Variants in TGM3 observed in about 807,000 individuals in gnomAD.
TGM3 encodes the protein protein-glutamine gamma-glutamyltransferase E.
In TGM3, 52 loss-of-function variants were observed where a neutral mutation model predicts 73.8. That is an observed-to-expected ratio of 0.70 (90% CI 0.56 to 0.89). The LOEUF (loss-of-function observed/expected upper bound fraction) is 0.89, where lower values mean the gene tolerates loss of function less well. Ranked by LOEUF, TGM3 falls within the 40% of genes least tolerant of loss-of-function variation. The probability of loss-of-function intolerance (pLI) is 0.00; values close to 1 mark genes in which losing one functional copy is unlikely to be tolerated. For synonymous variants in TGM3, 372 were observed against 354.9 expected (o/e 1.05, Z -0.54); for missense variants, 928 against 909.9 (o/e 1.02, Z -0.26).
chr20:2,320,726 G>A (rs1248322738), intron 7 of TGM3, among the ~76,000 whole-genome samples: 2 of 152,078 alleles, frequency 1.3e-5, no homozygotes, highest in African/African-American at 4.8e-5. Flanking sequence ...GCTTAGTTTG[G>A]GATGCTTCTT....
At chr20:2,309,562 C>T (rs892496437) in intron 1 of TGM3, 95 bp from the exon 2 acceptor site, 55 of 1,336,612 alleles carry the variant, frequency 4.1e-5, no homozygotes, top group Non-Finnish European at 5.6e-5. Flanking sequence ...CTTGACAAGC[C>T]TCACCCCAAA....
rs549327460 is a variant in TGM3 at position 2,323,541 on chromosome 20, G to A, written c.984-2308G>A. Among the ~76,000 whole-genome samples the A allele has an allele frequency of 4.6e-5, 7 of 152,322 alleles. No homozygotes were observed. The East Asian group carries it at 5.8e-4, about 13-fold the overall frequency. ...TAGATATACATGTATGTGCACTTAC[G>A]TGAGTTTTTCCATGGGAGAAATTCC... On this transcript the variant is annotated intron_variant, in intron 7 of 12. Coordinates refer to ENST00000381458, the MANE Select transcript of TGM3 (RefSeq NM_003245.4).
intron 1 of TGM3, among the ~76,000 whole-genome samples, chr20:2,303,927 A>T (rs1188513246): frequency 6.6e-6 from 1 of 152,210 alleles, no homozygotes; most frequent in Non-Finnish European, 1.5e-5. Flanking sequence ...ATGTGCTCAC[A>T]TCTGGAATAA....
In TGM3 at chr20:2,309,760, C is replaced by T. The variant is rs751779616; in HGVS notation, c.111C>T (p.Asn37=). ...SQELILRRGQ[N]FQVLMIMNKG... ...AGCTCATCTTGCGGAGAGGCCAAAA[C>T]TTCCAGGTCTTAATGATCATGAACA... The change falls in exon 2 of 13, where the codon AAC becomes AAT. Residue 37 remains asparagine, a synonymous_variant. Coordinates refer to ENST00000381458, the MANE Select transcript of TGM3 (RefSeq NM_003245.4). The T allele has an allele frequency of 6.2e-7, 1 of 1,614,232 alleles. No individual in the cohort carries two copies. The highest frequency in any genetic ancestry group is 2.2e-5 in the East Asian group (1 of 44,880).
At chr20:2,327,419 A>G (rs1022546043) in intron 8 of TGM3, among the ~76,000 whole-genome samples, 4 of 152,104 alleles carry the variant, frequency 2.6e-5, no homozygotes, top group Admixed American at 2.0e-4. Context: ...GGAGCTTGCA[A>G]TGAGTCGAGA....
chr20:2,299,868 C>A (rs1327780503), intron 1 of TGM3, among the ~76,000 whole-genome samples: 3 of 152,112 alleles, frequency 2.0e-5, no homozygotes, highest in African/African-American at 7.2e-5. Context: ...GAGGTCAAGG[C>A]GGGTAGATTA....
chr20:2,340,440 G>A lies in TGM3; in HGVS notation c.1941G>A (p.Pro647=), dbSNP rs200154885. The A allele has an allele frequency of 6.3e-5, 102 of 1,613,942 alleles. No homozygotes were observed. The Middle Eastern group carries it at 1.2e-3, about 18-fold the overall frequency. ...TCTGTGCCCTCCCCATCAGCGTGCCGACCCTAGGGCCCAAGGAGGGGTCCC... is the reference window on the plus strand; with the variant it reads ...TCTGTGCCCTCCCCATCAGCGTGCCAACCCTAGGGCCCAAGGAGGGGTCCC... ...LLLGNLKIDV[P]TLGPKEGSRV... The change falls in exon 13 of 13, where the codon CCG becomes CCA. Residue 647 remains proline, a synonymous_variant. Transcript: ENST00000381458.
At chr20:2,296,261 T>C (rs2084106341) in intron 1 of TGM3, among the ~76,000 whole-genome samples, 191 bp downstream of exon 1, 1 of 152,206 alleles carries the variant, frequency 6.6e-6, no homozygotes, top group Non-Finnish European at 1.5e-5. Context: ...TCTAGCATAT[T>C]CTTGGGGTAG....
chr20:2,335,248 T>C lies in TGM3; in HGVS notation c.1775T>C (p.Leu592Pro), dbSNP rs778493017. The C allele has an allele frequency of 6.2e-7, 1 of 1,614,170 alleles. No individual in the cohort carries two copies. The highest frequency in any genetic ancestry group is 8.5e-7 in the Non-Finnish European group (1 of 1,180,016). ...GTGGTGGTGGAGCGGGACATCATCCTGGACAACCCCACCTTGACCCTGGAG... is the reference window on the plus strand; with the variant it reads ...GTGGTGGTGGAGCGGGACATCATCCCGGACAACCCCACCTTGACCCTGGAG... ...SEVVVERDII[L>P]DNPTLTLEVL... is the part of the protein sequence containing the mutation. The change falls in exon 11 of 13, where the codon CTG becomes CCG. Residue 592 changes from leucine (L) to proline (P), a missense_variant. Coordinates refer to ENST00000381458, the MANE Select transcript of TGM3 (RefSeq NM_003245.4).
At chr20:2,306,571 G>A (rs1372087695) in intron 1 of TGM3, among the ~76,000 whole-genome samples, 1 of 149,478 alleles carries the variant, frequency 6.7e-6, no homozygotes, top group East Asian at 2.0e-4. Flanking sequence ...CTGCTTCTCA[G>A]GTTCAAGTGA....
intron 12 of TGM3, 44 bp downstream of exon 12, chr20:2,340,031 G>T: frequency 1.3e-6 from 2 of 1,511,588 alleles, no homozygotes; most frequent in Non-Finnish European, 1.8e-6. Flanking sequence ...GGCGGGAGGG[G>T]GCGGGGGGGC....
chr20:2,296,095 C>A, intron 1 of TGM3, 25 bp downstream of exon 1: 1 of 1,550,124 alleles, frequency 6.5e-7, no homozygotes. Flanking sequence ...TCTTCTCCAT[C>A]AGGTCCTTGC....
chr20:2,313,875 A>G (rs2084220064), intron 5 of TGM3, among the ~76,000 whole-genome samples: 1 of 152,112 alleles, frequency 6.6e-6, no homozygotes, highest in Admixed American at 6.5e-5. Context: ...CAGAAATTAA[A>G]AAAAAACTAG....
In TGM3 at chr20:2,328,277, C is replaced by G; in HGVS notation, c.1245C>G (p.Asn415Lys). Residue 415 changes from asparagine to lysine, a missense_variant, in exon 9 of 13, where the codon AAC becomes AAG. Asn to Lys is a moderately conservative substitution (Grantham distance 94). Coordinates refer to ENST00000381458, the MANE Select transcript of TGM3 (RefSeq NM_003245.4). The surrounding 1 kb of genome is among the most constrained non-coding windows in gnomAD (Gnocchi z 5.2). ...TTGKQWKNSV[N>K]SHTIGRYIST... ...GCAAACAGTGGAAGAATTCCGTGAA[C>G]AGTCACACCATTGGCAGGTACATCA... The G allele has an allele frequency of 6.2e-7, 1 of 1,614,208 alleles. No homozygotes were observed. Among genetic ancestry groups the G allele is most frequent in the Non-Finnish European group, 8.5e-7 (1 of 1,180,050 alleles).
chr20:2,340,518 C>T lies in TGM3; in HGVS notation c.2019C>T (p.Ala673=), dbSNP rs374870190. The part of the protein sequence containing the change: ...PSRSGTKQLL[A]DFSCNKFPAI... Reference sequence around the variant, plus strand: ...GGAGTGGCACCAAGCAACTGCTCGCCGACTTCTCCTGCAACAAGTTCCCTG... The same window carrying T: ...GGAGTGGCACCAAGCAACTGCTCGCTGACTTCTCCTGCAACAAGTTCCCTG... The change falls in exon 13 of 13, where the codon GCC becomes GCT. Residue 673 remains alanine, a synonymous_variant. Transcript: ENST00000381458. 2.2e-5 allele frequency: 36 copies of T among 1,614,072 alleles called. No individual in the cohort carries two copies. The highest frequency in any genetic ancestry group is 4.4e-5 in the South Asian group (4 of 91,090).
chr20:2,296,157 A>G, intron 1 of TGM3, 87 bp downstream of exon 1: 1 of 1,491,854 alleles, frequency 6.7e-7, no homozygotes, highest in Non-Finnish European at 9.1e-7. Context: ...GTGTCCGGCC[A>G]GGACAGCTGC....
intron 7 of TGM3, 76 bp from the exon 8 acceptor site, chr20:2,325,773 G>A (rs1327256694): frequency 1.2e-5 from 13 of 1,044,154 alleles, no homozygotes; most frequent in Non-Finnish European, 1.9e-5. Context: ...CACTGTTGGG[G>A]CAAAGATGTG....
intron 7 of TGM3, among the ~76,000 whole-genome samples, chr20:2,322,502 G>A (rs777540206): frequency 2.0e-5 from 3 of 152,026 alleles, no homozygotes; most frequent in Non-Finnish European, 4.4e-5. Context: ...TTTCAAATAC[G>A]TCGTAAGTGC....
chr20:2,321,288 C>T (rs995049627), intron 7 of TGM3, among the ~76,000 whole-genome samples: 2 of 152,202 alleles, frequency 1.3e-5, no homozygotes, highest in African/African-American at 4.8e-5. Flanking sequence ...ACTGAATAGA[C>T]GAGTTTACAG....
Sources: gnomAD v4.1 joint callset for allele counts (sites outside exome capture counted in the v4.1 genomes callset) on GRCh38, gnomAD v4.1.1 for gene constraint, Gnocchi (gnomAD v3.1) non-coding constraint, MANE v1.5 for transcripts, NCBI Gene and HGNC (gene_info 2026-07-23, HGNC 2026-07-21) for gene names.